The following KLC1 variants were observed in gnomAD, a reference collection of about 807,000 sequenced individuals.
The protein encoded by KLC1 is kinesin light chain 1.
Under a neutral mutation model 84.2 loss-of-function variants are expected in KLC1, and 30 were observed. The ratio of observed to expected loss-of-function variants is 0.36; its 90% CI spans 0.27 to 0.48. KLC1 has a LOEUF of 0.48. Ranked by LOEUF, KLC1 falls within the 20% of genes least tolerant of loss-of-function variation. The pLI, the probability that KLC1 is intolerant of heterozygous loss-of-function variation, is 0.99. For missense variants in KLC1, 499 were observed against 805.4 expected (o/e 0.62, Z 4.60); for synonymous variants, 289 against 293.3 (o/e 0.99, Z 0.15).
chr14:103,685,336 C>A, intron 13 of KLC1: 7 of 1,265,176 alleles, frequency 5.5e-6, no homozygotes, highest in Non-Finnish European at 7.0e-6. Flanking sequence ...AAGCCTTTTA[C>A]ACCAAGTGTC....
intron 13 of KLC1, chr14:103,686,014 A>AG (rs2081754662): frequency 9.2e-7 from 1 of 1,084,914 alleles, no homozygotes; most frequent in African/African-American, 1.7e-5. Flanking sequence ...ACTAAGCCTT[A>AG]CAGCAAGGCA....
At chr14:103,670,097 T>A in intron 6 of KLC1, 85 bp from the exon 7 acceptor site, 1 of 913,894 alleles carries the variant, frequency 1.1e-6, no homozygotes, top group Non-Finnish European at 1.7e-6. Context: ...CTGTATAGAT[T>A]GAATATAAAT....
intron 7 of KLC1, 56 bp downstream of exon 7, chr14:103,670,339 G>GTTTTTTT: frequency 1.2e-6 from 1 of 845,878 alleles, no homozygotes; most frequent in Non-Finnish European, 1.7e-6. Context: ...TGTGTGTGTG[G>GTTTTTTT]TTTTTTTTTT....
intron 1 of KLC1, among the ~76,000 whole-genome samples, chr14:103,640,208 G>A (rs1384060192): frequency 6.6e-6 from 1 of 151,974 alleles, no homozygotes; most frequent in Non-Finnish European, 1.5e-5. Context: ...TTACAGGTGT[G>A]CACCACTATG....
At chr14:103,654,966 C>A in intron 2 of KLC1, 141 bp downstream of exon 2, 1 of 939,438 alleles carries the variant, frequency 1.1e-6, no homozygotes, top group Non-Finnish European at 1.5e-6. Flanking sequence ...GTGGCTCAGG[C>A]CTGTAATCCA....
intron 1 of KLC1, 142 bp downstream of exon 1, chr14:103,629,636 C>G (rs1202877758): frequency 2.0e-5 from 3 of 152,886 alleles, no homozygotes; most frequent in Non-Finnish European, 4.4e-5. Flanking sequence ...CGGCCCCTCT[C>G]CGTTCCCACC....
Position 103,649,820 on chromosome 14 carries a change from G to C in KLC1, c.-1-4744G>C, listed in dbSNP as rs536372098. 2.6e-5 allele frequency among the ~76,000 whole-genome samples: 4 copies of C among 151,702 alleles called. No homozygotes were observed. The South Asian group carries it at 8.3e-4, about 32-fold the overall frequency. ...ACGCCATTCTCCTGCCTCAGCCTCCGGAGTAGCTGGGACTACAGGCGCCCA... is the reference window on the plus strand; with the variant it reads ...ACGCCATTCTCCTGCCTCAGCCTCCCGAGTAGCTGGGACTACAGGCGCCCA... On this transcript the variant is annotated intron_variant, in intron 1 of 16. Transcript: ENST00000334553.
At chr14:103,669,653 C>T (rs1567027286) in intron 6 of KLC1, 55 bp downstream of exon 6, 8 of 1,199,722 alleles carry the variant, frequency 6.7e-6, no homozygotes, top group Non-Finnish European at 8.7e-6. Context: ...CCATATATTT[C>T]TTTTATCCAA....
At position 103,693,226 on chromosome 14, in the gene KLC1, T is replaced by C. The variant is rs1169021144; in HGVS notation, c.1848+801T>C. 6.6e-6 allele frequency among the ~76,000 whole-genome samples: 1 copy of C among 151,472 alleles called. No individual in the cohort carries two copies. Among genetic ancestry groups the C allele is most frequent in the Non-Finnish European group, 1.5e-5 (1 of 67,936 alleles). ...TGCCCCGACCTGTCCCCCAACACTC[T>C]TGGGAGGCAGCCATCTCGGGAAAGC... is the stretch of plus-strand genomic sequence containing the variant. On this transcript the variant is annotated intron_variant, in intron 15 of 16. Coordinates refer to ENST00000334553, the MANE Select transcript of KLC1 (RefSeq NM_001394837.1). This position sits in a 1 kb window ranked among gnomAD's most constrained non-coding sequence, Gnocchi z 5.1.
In KLC1 at chr14:103,670,401, A is replaced by G. The variant is rs1480020039; in HGVS notation, c.987+118A>G. 4 of 607,598 alleles carry G rather than the reference A, an allele frequency of 6.6e-6. No homozygotes were observed. In the African/African-American group the frequency reaches 7.9e-5, roughly 12 times the overall value. 37.6% of individuals were successfully genotyped at this position (607,598 alleles called of 1,614,324 possible). ...CACCGGGCTGGAGTGCGGTGGCGTG[A>G]TCTCGGCTCACTGCAACCCCCACCT... On this transcript the variant is annotated intron_variant, in intron 7 of 16. Coordinates refer to ENST00000334553, the MANE Select transcript of KLC1 (RefSeq NM_001394837.1).
At chr14:103,637,631 A>G (rs144645574) in intron 1 of KLC1, among the ~76,000 whole-genome samples, 147 of 151,688 alleles carry the variant, frequency 9.7e-4, no homozygotes, top group African/African-American at 2.1e-3. Context: ...CATATCTATA[A>G]ATAAGTCACC....
At chr14:103,635,073 G>A (rs1396915469) in intron 1 of KLC1, among the ~76,000 whole-genome samples, 6 of 152,158 alleles carry the variant, frequency 3.9e-5, no homozygotes, top group African/African-American at 1.4e-4. Context: ...AAAGCAGTTT[G>A]CATATATGCT....
intron 5 of KLC1, among the ~76,000 whole-genome samples, chr14:103,667,900 G>A (rs921929756): frequency 6.6e-6 from 1 of 152,182 alleles, no homozygotes; most frequent in Non-Finnish European, 1.5e-5. Flanking sequence ...CACATCAGTA[G>A]TGAGTAGCAC....
At chr14:103,678,439 C>T (rs189898735) in intron 12 of KLC1, among the ~76,000 whole-genome samples, 4 of 151,850 alleles carry the variant, frequency 2.6e-5, no homozygotes, top group South Asian at 2.1e-4. Flanking sequence ...AATTCCTGCA[C>T]GTTGGGAGGC....
At chr14:103,688,191 C>G (rs1272234560) in intron 14 of KLC1, 9 of 152,224 alleles carry the variant, frequency 5.9e-5, no homozygotes, top group Admixed American at 5.9e-4. Flanking sequence ...GTTCTTGTTC[C>G]CCAAGCTGGA....
chr14:103,701,293 C>T lies in KLC1; in HGVS notation c.*94C>T, dbSNP rs1458516921. The T allele has an allele frequency of 1.2e-5, 16 of 1,370,294 alleles. No homozygotes were observed. Among genetic ancestry groups the T allele is most frequent in the Admixed American group, 2.0e-5 (1 of 48,980 alleles). The allele number at this position is 1,370,294 out of a possible 1,614,324, so 84.9% of individuals were successfully genotyped here. A position where few individuals can be genotyped will look rare whatever the true frequency, so the allele number is the denominator to read the frequency against. ...CAGGGCGGCAGGGAGGGCCCCTGGC[C>T]GGGAGCCGCAGCGCTCACTCATTTC... On this transcript the variant is annotated 3_prime_UTR_variant, in exon 17 of 17. Coordinates refer to ENST00000334553, the MANE Select transcript of KLC1 (RefSeq NM_001394837.1).
chr14:103,675,856 T>C, intron 11 of KLC1, 100 bp downstream of exon 11: 1 of 909,304 alleles, frequency 1.1e-6, no homozygotes, highest in East Asian at 2.5e-5. Flanking sequence ...GTAGTGTTCC[T>C]TAAGTGCACA....
intron 11 of KLC1, among the ~76,000 whole-genome samples, chr14:103,676,943 C>T (rs979484560): frequency 1.3e-5 from 2 of 152,220 alleles, no homozygotes; most frequent in Non-Finnish European, 2.9e-5. Flanking sequence ...AGCATTTATC[C>T]TCTGCCCTCA....
rs1434466609 is a variant in KLC1 at position 103,669,557 on chromosome 14, T to C, written c.844T>C (p.Leu282=). The stretch of plus-strand genomic sequence containing the variant: ...TGCAGCTAACCTACTGAATGATGCC[T>C]TGGCTATTCGTGAGAAAACTTTGGG... The part of the protein sequence containing the change: ...KDAANLLNDA[L]AIREKTLGKD... Residue 282 remains leucine (L), a synonymous_variant, in exon 6 of 17, where the codon TTG becomes CTG. Coordinates refer to ENST00000334553, the MANE Select transcript of KLC1 (RefSeq NM_001394837.1). The C allele has an allele frequency of 1.9e-6, 3 of 1,613,268 alleles. No homozygotes were observed. Among genetic ancestry groups the C allele is most frequent in the African/African-American group, 1.3e-5 (1 of 74,936 alleles).
Sources: allele counts gnomAD v4.1 joint callset (sites outside exome capture counted in the v4.1 genomes callset), GRCh38; gene constraint gnomAD v4.1.1; non-coding constraint Gnocchi (gnomAD v3.1); transcripts MANE v1.5; gene names NCBI Gene and HGNC (gene_info 2026-07-23, HGNC 2026-07-21).